The following CDH18 variants were observed in gnomAD, a reference collection of about 807,000 sequenced individuals.
CDH18 encodes cadherin 18, also known as cadherin-18.
In CDH18, 31 loss-of-function variants were observed where a neutral mutation model predicts 67.9. The ratio of observed to expected loss-of-function variants is 0.46; its 90% confidence interval spans 0.34 to 0.62. The LOEUF (loss-of-function observed/expected upper bound fraction) is 0.62. Among genes scored for constraint, CDH18 ranks in the 20% least tolerant of loss-of-function variants. The pLI is 0.01. For missense variants in CDH18, 890 were observed against 975.5 expected, an observed-to-expected ratio of 0.91 and a Z score of 1.17; for synonymous variants, 362 against 347.2, an observed-to-expected ratio of 1.04 and a Z score of -0.48.
chr5:19,785,340 A>T (rs150450328), intron 3 of CDH18, among the ~76,000 whole-genome samples: 1 of 151,984 alleles, frequency 6.6e-6, no homozygotes, highest in East Asian at 2.0e-4. Flanking sequence ...ACTGCCCAGC[A>T]CATAGTAGCC....
intron 5 of CDH18, among the ~76,000 whole-genome samples, chr5:19,699,431 G>T (rs1021966474): frequency 1.3e-5 from 2 of 152,040 alleles, no homozygotes; most frequent in African/African-American, 4.8e-5. Context: ...TACCTGTTAT[G>T]GACTGAATGT....
At chr5:20,350,975 T>TAA (rs138943500) in intron 1 of CDH18, among the ~76,000 whole-genome samples, 6 of 147,712 alleles carry the variant, frequency 4.1e-5, no homozygotes, top group East Asian at 3.9e-4. Flanking sequence ...TTTGGAAAAG[T>TAA]AAAAAAAAAA....
At chr5:20,097,617 T>C (rs1254962976) in intron 2 of CDH18, among the ~76,000 whole-genome samples, 3 of 152,170 alleles carry the variant, frequency 2.0e-5, no homozygotes, top group South Asian at 4.1e-4. Context: ...GCTTGTATTA[T>C]ATTCGGTTAT....
intron 3 of CDH18, among the ~76,000 whole-genome samples, chr5:19,836,158 T>C (rs1462346822): frequency 1.3e-5 from 2 of 152,196 alleles, no homozygotes; most frequent in African/African-American, 4.8e-5. Flanking sequence ...TTTTTAATAA[T>C]AAAATAGTTT....
rs568934610 is a variant in CDH18 at position 20,409,750 on chromosome 5, G to A, written c.-579-154245C>T. On this transcript the variant is annotated intron_variant, in intron 1 of 14. Transcript: ENST00000507958. ...TGAAAAAAAAGTTGACATATCCTTA[G>A]CTAGACTAACTAAGAATAAAAAAGA... Among the ~76,000 whole-genome samples the A allele has an allele frequency of 3.2e-4, 48 of 151,498 alleles. No individual in the cohort carries two copies. In the South Asian group the frequency reaches 1.0e-2, roughly 31 times the overall value.
At chr5:20,139,302 T>C (rs1055086935) in intron 2 of CDH18, among the ~76,000 whole-genome samples, 6 of 152,262 alleles carry the variant, frequency 3.9e-5, no homozygotes, top group African/African-American at 1.2e-4. Context: ...TTACACCTTA[T>C]ATAAAAATTA....
chr5:20,565,709 A>G lies in CDH18; in HGVS notation c.-580+9753T>C, dbSNP rs117690299. Among the ~76,000 whole-genome samples the G allele has an allele frequency of 7.5e-3, 1,139 of 151,916 alleles. 23 individuals carry two copies. Among genetic ancestry groups the G allele is most frequent in the Admixed American group, 0.038 (572 of 15,216 alleles). On this transcript the variant is annotated intron_variant, in intron 1 of 14. Transcript: ENST00000507958. ...GCCTGCATATAATCAATGTGCTTCA[A>G]CATTCCAGTCTTCCTGAGCCTTTGC...
chr5:19,852,269 G>T (rs2149931788), intron 2 of CDH18, among the ~76,000 whole-genome samples: 1 of 152,124 alleles, frequency 6.6e-6, no homozygotes, highest in South Asian at 2.1e-4. Context: ...AGACTCTTGA[G>T]TTCTCATGCT....
rs546811340 is a variant in CDH18 at position 19,815,352 on chromosome 5, G to A, written c.228+23407C>T. On this transcript the variant is annotated intron_variant, in intron 3 of 12. Coordinates refer to ENST00000382275, the MANE Select transcript of CDH18 (RefSeq NM_004934.5). ...CATTTCAAGGAAGCTATGAAAACATGTTTATATAGTTATCATCTTGACAAT... is the reference window on the plus strand; with the variant it reads ...CATTTCAAGGAAGCTATGAAAACATATTTATATAGTTATCATCTTGACAAT... 2.1e-4 allele frequency among the ~76,000 whole-genome samples: 32 copies of A among 152,066 alleles called. No individual in the cohort carries two copies. The South Asian group carries it at 6.6e-3, about 31-fold the overall frequency.
chr5:20,458,415 C>T (rs563116877), intron 1 of CDH18, among the ~76,000 whole-genome samples: 2 of 152,046 alleles, frequency 1.3e-5, no homozygotes, highest in South Asian at 2.1e-4. Context: ...GCTGGTAGTT[C>T]GAGACCAGCC....
intron 3 of CDH18, among the ~76,000 whole-genome samples, chr5:19,755,352 A>T (rs1310171551): frequency 2.0e-5 from 3 of 146,556 alleles, no homozygotes; most frequent in African/African-American, 7.4e-5. Flanking sequence ...ATTACAACTG[A>T]CACCAGAGAA....
intron 2 of CDH18, among the ~76,000 whole-genome samples, chr5:19,864,078 C>T (rs372333124): frequency 0.013 from 1,916 of 150,962 alleles, 30 homozygotes; most frequent in African/African-American, 0.044. Context: ...CACATGCACA[C>T]GTATGTTTAT....
In CDH18 at chr5:19,575,425, G is replaced by T. The variant is rs555522845; in HGVS notation, c.1000-3593C>A. The stretch of plus-strand genomic sequence containing the variant: ...AACTCCTGTCCTTTTTCAAAAGTTA[G>T]TTTAACTCATATGAAATTGCTGATA... On this transcript the variant is annotated intron_variant, in intron 7 of 12. Coordinates refer to ENST00000382275, the MANE Select transcript of CDH18 (RefSeq NM_004934.5). Among the ~76,000 whole-genome samples the T allele has an allele frequency of 1.9e-4, 29 of 152,238 alleles. No individual in the cohort carries two copies. The South Asian group carries it at 4.8e-3, about 25-fold the overall frequency.
At chr5:20,116,984 A>C (rs892286159) in intron 2 of CDH18, among the ~76,000 whole-genome samples, 4 of 151,582 alleles carry the variant, frequency 2.6e-5, no homozygotes, top group Non-Finnish European at 4.4e-5. Context: ...TTTTACTAGA[A>C]CTATCTTTCC....
intron 1 of CDH18, among the ~76,000 whole-genome samples, chr5:20,460,989 G>A (rs79167220): frequency 0.018 from 2,715 of 152,148 alleles, 75 homozygotes; most frequent in Non-Finnish European, 0.023. Context: ...TGCAAACACT[G>A]AGGAGTCCAC....
chr5:20,440,827 A>G (rs995764913), intron 1 of CDH18, among the ~76,000 whole-genome samples: 2 of 152,030 alleles, frequency 1.3e-5, no homozygotes, highest in Non-Finnish European at 2.9e-5. Context: ...TCTTGCAGAC[A>G]AAACAATGTT....
At chr5:19,599,261 C>A (rs985700387) in intron 6 of CDH18, among the ~76,000 whole-genome samples, 2 of 151,894 alleles carry the variant, frequency 1.3e-5, no homozygotes, top group African/African-American at 2.4e-5. Context: ...AGACATGGAT[C>A]ATGAATCTAG....
intron 3 of CDH18, among the ~76,000 whole-genome samples, chr5:19,787,449 CAA>C: frequency 7.3e-6 from 1 of 136,074 alleles, no homozygotes; most frequent in Admixed American, 7.4e-5. Context: ...GAGACTGTTT[CAA>C]AAAAAAAAAA....
rs144587299 is a variant in CDH18 at position 19,479,886 on chromosome 5, AT to A, written c.1882+3414del. Among the ~76,000 whole-genome samples, 934 of 152,324 alleles carry A rather than the reference AT, an allele frequency of 6.1e-3. 6 individuals are homozygous for A. Among genetic ancestry groups the A allele is most frequent in the African/African-American group, 0.022 (903 of 41,570 alleles). Reference sequence around the variant, plus strand: ...AACTTTATTAGTCTTGAGGGATATAATAAAATTTACAAATGTTCTATTACTT... The same window carrying A: ...AACTTTATTAGTCTTGAGGGATATAAAAAATTTACAAATGTTCTATTACTT... On this transcript the variant is annotated intron_variant, in intron 12 of 12. Transcript: ENST00000382275.
Sources: gnomAD v4.1 joint callset for allele counts (sites outside exome capture counted in the v4.1 genomes callset) on GRCh38, gnomAD v4.1.1 for gene constraint, MANE v1.5 for transcripts, NCBI Gene and HGNC (gene_info 2026-07-23, HGNC 2026-07-21) for gene names.